The following GIGYF2 variants were observed in gnomAD, a reference collection of about 807,000 sequenced individuals.
GIGYF2 encodes the protein GRB10-interacting GYF protein 2.
A neutral mutation model predicts 208.1 loss-of-function variants in GIGYF2; 25 were observed. That is an observed-to-expected ratio of 0.12 (90% confidence interval 0.09 to 0.17). The LOEUF (loss-of-function observed/expected upper bound fraction) is 0.17, where lower values mean the gene tolerates loss of function less well. GIGYF2 is among the 10% of genes least tolerant of loss of function. GIGYF2 has a pLI of 1.00. For synonymous variants in GIGYF2, 534 were observed against 543.8 expected (o/e 0.98, Z 0.25); for missense variants, 1,302 against 1,579.4 (o/e 0.82, Z 2.98).
At chr2:232,782,293 A>G (rs1310189426) in intron 8 of GIGYF2, among the ~76,000 whole-genome samples, 8 of 152,082 alleles carry the variant, frequency 5.3e-5, no homozygotes, top group African/African-American at 2.4e-5. Flanking sequence ...AAACTCCTAA[A>G]CTCAAGTGAT....
In GIGYF2 at chr2:232,819,903, A is replaced by G; in HGVS notation, c.2447A>G (p.Gln816Arg). 3 of 1,589,728 alleles carry G rather than the reference A, an allele frequency of 1.9e-6. No homozygotes were observed. Among genetic ancestry groups the G allele is most frequent in the South Asian group, 2.2e-5 (2 of 90,572 alleles). ...RQREEEERQQ[Q>R]EEALRRLEER... Reference sequence around the variant, plus strand: ...CGAGAAGAGGAAGAAAGACAGCAGCAAGAAGAAGCTCTTAGAAGACTGGAA... The same window carrying G: ...CGAGAAGAGGAAGAAAGACAGCAGCGAGAAGAAGCTCTTAGAAGACTGGAA... Residue 816 changes from glutamine to arginine, a missense_variant, in exon 21 of 29, where the codon CAA becomes CGA. Around this residue, in one of 8 missense-constraint regions of GIGYF2, gnomAD observed 701 missense variants for 793.0 expected, o/e 0.88. Transcript: ENST00000373563.
At position 232,806,591 on chromosome 2, in the gene GIGYF2, T is replaced by C; in HGVS notation, c.1740T>C (p.Leu580=). 6.2e-7 allele frequency: 1 copy of C among 1,613,102 alleles called. No homozygotes were observed. Among genetic ancestry groups the C allele is most frequent in the East Asian group, 2.2e-5 (1 of 44,892 alleles). The change falls in exon 15 of 29, where the codon CTT becomes CTC. Residue 580 remains leucine (L), a synonymous_variant. Transcript: ENST00000373563. The surrounding 1 kb of genome is among the most constrained non-coding windows in gnomAD (Gnocchi z 4.0). Reference sequence around the variant, plus strand: ...CGTGTGATGAAAGCTTCCAACCTCTTGGCGATATCATGAAAATGTGGGGAA... The same window carrying C: ...CGTGTGATGAAAGCTTCCAACCTCTCGGCGATATCATGAAAATGTGGGGAA... The part of the protein sequence containing the change: ...KRACDESFQP[L]GDIMKMWGRV...
chr2:232,699,611 T>C lies in GIGYF2; in HGVS notation c.-110+2219T>C, dbSNP rs574308566. 2.6e-5 allele frequency among the ~76,000 whole-genome samples: 4 copies of C among 152,336 alleles called. No homozygotes were observed. The South Asian group carries it at 8.3e-4, about 32-fold the overall frequency. On this transcript the variant is annotated intron_variant, in intron 1 of 28. Coordinates refer to ENST00000373563, the MANE Select transcript of GIGYF2 (RefSeq NM_001103146.3). ...TAAAATGAGATTGATGATAAACTGC[T>C]TGAAAGTACTTTTCAAAAGCAATTG...
At chr2:232,740,661 A>G (rs1262433375) in intron 3 of GIGYF2, among the ~76,000 whole-genome samples, 1 of 152,184 alleles carries the variant, frequency 6.6e-6, no homozygotes, top group African/African-American at 2.4e-5. Context: ...GGACATTGGC[A>G]TTAATATTTA....
At chr2:232,744,605 C>T (rs1386675192) in intron 3 of GIGYF2, among the ~76,000 whole-genome samples, 1 of 149,804 alleles carries the variant, frequency 6.7e-6, no homozygotes, top group Non-Finnish European at 1.5e-5. Context: ...AGTGGCTGTT[C>T]ACTGCAGCCT....
Position 232,832,927 on chromosome 2 carries a change from G to T in GIGYF2, c.2600G>T (p.Arg867Leu), listed in dbSNP as rs555202590. Residue 867 changes from arginine to leucine, a missense_variant, in exon 22 of 29, where the codon CGG becomes CTG. Arg to Leu is a moderately radical substitution (Grantham distance 102, BLOSUM62 -2). Coordinates refer to ENST00000373563, the MANE Select transcript of GIGYF2 (RefSeq NM_001103146.3). ...AQRRLEENRL[R>L]MEEEAARLRH... Reference sequence around the variant, plus strand: ...CGTCGATTAGAGGAGAACCGGCTGCGGATGGAAGAGGAGGCAGCCAGACTC... The same window carrying T: ...CGTCGATTAGAGGAGAACCGGCTGCTGATGGAAGAGGAGGCAGCCAGACTC... 2.6e-6 allele frequency: 4 copies of T among 1,565,820 alleles called. No homozygotes were observed. The highest frequency in any genetic ancestry group is 2.4e-5 in the East Asian group (1 of 41,994).
intron 3 of GIGYF2, among the ~76,000 whole-genome samples, chr2:232,739,365 C>CG (rs201794677): frequency 0.011 from 1,368 of 129,034 alleles, 80 homozygotes; most frequent in African/African-American, 0.038. Flanking sequence ...AAGCAAACCC[C>CG]CCCCCCCCCG....
intron 3 of GIGYF2, 109 bp downstream of exon 3, chr2:232,735,347 C>T: frequency 1.3e-6 from 1 of 770,300 alleles, no homozygotes. Context: ...GAAACTTTTG[C>T]TTTATGTGCC....
rs190866180 is a variant in GIGYF2 at position 232,699,063 on chromosome 2, T to C, written c.-110+1671T>C. 3.6e-3 allele frequency among the ~76,000 whole-genome samples: 545 copies of C among 152,220 alleles called. 13 individuals carry two copies. Among genetic ancestry groups the C allele is most frequent in the Non-Finnish European group, 6.5e-4 (44 of 68,010 alleles). ...AAATACTTGATGTAGTGGTAAGCGA[T>C]GTGAAAGAAAAAAATGAGTCAGGGA... On this transcript the variant is annotated intron_variant, in intron 1 of 28. Transcript: ENST00000373563.
rs577702877 is a variant in GIGYF2 at position 232,833,276 on chromosome 2, G to A, written c.2766+183G>A. 3 of 262,960 alleles carry A rather than the reference G, an allele frequency of 1.1e-5. No homozygotes were observed. In the South Asian group the frequency reaches 3.3e-4, roughly 29 times the overall value. 16.3% of individuals were successfully genotyped at this position (262,960 alleles called of 1,614,324 possible). A position where few individuals can be genotyped will look rare whatever the true frequency, so the allele number is the denominator to read the frequency against. On this transcript the variant is annotated intron_variant, in intron 22 of 28. Transcript: ENST00000373563. Reference sequence around the variant, plus strand: ...CCATCACCCAGGCTGGAGTGCAGTGGTGCGATCTTGGTTCACTGTAACCTC... The same window carrying A: ...CCATCACCCAGGCTGGAGTGCAGTGATGCGATCTTGGTTCACTGTAACCTC...
intron 21 of GIGYF2, among the ~76,000 whole-genome samples, chr2:232,820,396 GC>G (rs1472164218): frequency 2.0e-5 from 3 of 147,348 alleles, no homozygotes; most frequent in African/African-American, 2.5e-5. Flanking sequence ...CTCACTGCAA[GC>G]CCCGCCTCCT....
chr2:232,827,296 C>T (rs954006668), intron 21 of GIGYF2, among the ~76,000 whole-genome samples: 4 of 152,082 alleles, frequency 2.6e-5, no homozygotes, highest in African/African-American at 7.2e-5. Flanking sequence ...AAGTTTTGTA[C>T]GACTTGCTTT....
intron 7 of GIGYF2, 23 bp from the exon 8 acceptor site, chr2:232,761,373 G>A: frequency 1.3e-6 from 2 of 1,569,238 alleles, no homozygotes; most frequent in Non-Finnish European, 1.8e-6. Context: ...GACTTTGTTT[G>A]AAACTTATTT....
chr2:232,821,415 G>C (rs762883982), intron 21 of GIGYF2, among the ~76,000 whole-genome samples: 7 of 152,176 alleles, frequency 4.6e-5, no homozygotes, highest in Non-Finnish European at 8.8e-5. Context: ...GGCCAGGCTG[G>C]TCTTGAACTC....
At position 232,847,519 on chromosome 2, in the gene GIGYF2, A is replaced by AGCAGCAGCAGCAGCTGCC. The variant is rs1553538660; in HGVS notation, c.3646_3647insTGCCGCAGCAGCAGCAGC (p.Gln1215_Gln1216insLeuProGlnGlnGlnGln). ...CAGCGTCAGCAGCAGCAGCTGCCAC[A>AGCAGCAGCAGCAGCTGCC]GCAGCAGCAGCAGCAGCCGCCACAG... On this transcript the variant is annotated inframe_insertion, in exon 27 of 29. Transcript: ENST00000373563. 7.9e-6 allele frequency: 2 copies of AGCAGCAGCAGCAGCTGCC among 252,566 alleles called. No individual in the cohort carries two copies. The highest frequency in any genetic ancestry group is 1.3e-5 in the Non-Finnish European group (2 of 159,748). The allele number at this position is 252,566 out of a possible 1,614,324, so 15.6% of individuals were successfully genotyped here. A position where few individuals can be genotyped will look rare whatever the true frequency, so the allele number is the denominator to read the frequency against.
intron 4 of GIGYF2, among the ~76,000 whole-genome samples, chr2:232,748,400 A>C (rs1035464009): frequency 1.3e-5 from 2 of 152,164 alleles, no homozygotes; most frequent in African/African-American, 4.8e-5. Flanking sequence ...CTTGTGCCTC[A>C]GCCTCCTGAG....
Position 232,737,183 on chromosome 2 carries a change from C to T in GIGYF2, c.41+1945C>T, listed in dbSNP as rs138995852. On this transcript the variant is annotated intron_variant, in intron 3 of 28. Coordinates refer to ENST00000373563, the MANE Select transcript of GIGYF2 (RefSeq NM_001103146.3). ...GAGAGACAGTTTGCTGGCCCCTGCC[C>T]TACACCATGAGTTCTCAAGGTCATC... is the stretch of plus-strand genomic sequence containing the variant. Among the ~76,000 whole-genome samples the T allele has an allele frequency of 8.7e-3, 1,323 of 152,312 alleles. 35 individuals carry two copies. The highest frequency in any genetic ancestry group is 0.054 in the Admixed American group (832 of 15,300).
At chr2:232,768,665 C>G in intron 8 of GIGYF2, 1 of 1,613,454 alleles carries the variant, frequency 6.2e-7, no homozygotes, top group Admixed American at 1.7e-5. Context: ...CAGCTGAGAC[C>G]CGGACACTGG....
intron 27 of GIGYF2, among the ~76,000 whole-genome samples, chr2:232,848,470 C>T (rs1336750461): frequency 5.3e-5 from 8 of 152,008 alleles, no homozygotes; most frequent in Admixed American, 2.0e-4. Context: ...ACCGTCTCTA[C>T]GAAAAATACA....
Sources: allele counts gnomAD v4.1 joint callset (sites outside exome capture counted in the v4.1 genomes callset), GRCh38; gene constraint gnomAD v4.1.1; regional missense constraint gnomAD v4.1.1; non-coding constraint Gnocchi (gnomAD v3.1); transcripts MANE v1.5; gene names NCBI Gene and HGNC (gene_info 2026-07-23, HGNC 2026-07-21).